Variants in KCNMA1 observed in about 807,000 individuals in gnomAD.
The protein encoded by KCNMA1 is Calcium-activated potassium channel subunit alpha-1.
KCNMA1 carries 29 observed loss-of-function variants against 140.0 expected under a neutral mutation model. That is an observed-to-expected ratio of 0.21 (90% CI 0.15 to 0.28). The LOEUF is 0.28. Ranked by LOEUF, KCNMA1 falls within the 10% of genes least tolerant of loss-of-function variation. The pLI is 1.00. For synonymous variants in KCNMA1, 612 were observed against 611.9 expected (o/e 1.00, Z 0.00); for missense variants, 880 against 1,602.2 (o/e 0.55, Z 7.70).
chr10:77,066,090 C>T (rs11002002), intron 14 of KCNMA1, among the ~76,000 whole-genome samples: 6,150 of 152,212 alleles, frequency 0.04, 207 homozygotes, highest in Non-Finnish European at 0.057. Context: ...AGATGGGACC[C>T]CATGGAGAGA....
chr10:77,329,453 C>A (rs1166790808), intron 2 of KCNMA1, among the ~76,000 whole-genome samples: 1 of 152,180 alleles, frequency 6.6e-6, no homozygotes, highest in Non-Finnish European at 1.5e-5. Context: ...GGTGAGGACA[C>A]AGTCAGAGGA....
At chr10:77,559,694 AG>A (rs2065723205) in intron 1 of KCNMA1, among the ~76,000 whole-genome samples, 1 of 152,076 alleles carries the variant, frequency 6.6e-6, no homozygotes, top group African/African-American at 2.4e-5. Flanking sequence ...TGTTTTTGAG[AG>A]GAAAAAAAAA....
In KCNMA1 at chr10:77,636,892, AC is replaced by A. The variant is rs2093803598; in HGVS notation, c.378+372del. On this transcript the variant is annotated intron_variant, in intron 1 of 27. Transcript: ENST00000286628. Reference sequence around the variant, plus strand: ...GGCAGGTGAGCGGTGCAAAACACGCACCCAGCTGCCCCCAGCTTCCTCCGTC... The same window carrying A: ...GGCAGGTGAGCGGTGCAAAACACGCACCAGCTGCCCCCAGCTTCCTCCGTC... 9.1e-6 allele frequency: 13 copies of A among 1,421,540 alleles called. No homozygotes were observed. In the East Asian group the frequency reaches 3.4e-4, roughly 37 times the overall value. 88.1% of individuals were successfully genotyped at this position (1,421,540 alleles called of 1,614,324 possible).
intron 1 of KCNMA1, among the ~76,000 whole-genome samples, chr10:77,492,854 A>T (rs2040449638): frequency 6.6e-6 from 1 of 152,252 alleles, no homozygotes; most frequent in African/African-American, 2.4e-5. Flanking sequence ...AAGATGTATT[A>T]GTGCCTACAA....
At chr10:76,979,702 C>T (rs2078829815) in intron 19 of KCNMA1, 1 of 152,196 alleles carries the variant, frequency 6.6e-6, no homozygotes, top group African/African-American at 2.4e-5. Flanking sequence ...AACATTATTA[C>T]TATTGGCTCA....
chr10:77,499,941 T>C (rs2043264438), intron 1 of KCNMA1, among the ~76,000 whole-genome samples: 1 of 152,096 alleles, frequency 6.6e-6, no homozygotes. Context: ...ATGAGTGTAA[T>C]ATTATGGAAT....
At chr10:77,394,911 G>T (rs879706001) in intron 2 of KCNMA1, among the ~76,000 whole-genome samples, 4 of 152,136 alleles carry the variant, frequency 2.6e-5, no homozygotes, top group Non-Finnish European at 5.9e-5. Context: ...TGCCTTTGTA[G>T]CTTCTTACAG....
chr10:77,398,958 T>C (rs577570902), intron 2 of KCNMA1, among the ~76,000 whole-genome samples: 1 of 152,210 alleles, frequency 6.6e-6, no homozygotes, highest in African/African-American at 2.4e-5. Flanking sequence ...ACTGCATACA[T>C]GTAAATTCCA....
chr10:77,095,730 C>T (rs2096915374), intron 9 of KCNMA1, among the ~76,000 whole-genome samples: 1 of 152,172 alleles, frequency 6.6e-6, no homozygotes, highest in Admixed American at 6.5e-5. Context: ...AAATTCTTCT[C>T]AATCCTTCTA....
intron 1 of KCNMA1, among the ~76,000 whole-genome samples, chr10:77,606,897 G>T (rs934522417): frequency 3.3e-5 from 5 of 152,112 alleles, no homozygotes; most frequent in African/African-American, 1.2e-4. Flanking sequence ...CCCAAAACCC[G>T]TGCAACCCTT....
chr10:76,955,178 G>A (rs1255777626), intron 20 of KCNMA1, among the ~76,000 whole-genome samples: 1 of 144,248 alleles, frequency 6.9e-6, no homozygotes, highest in Non-Finnish European at 1.5e-5. Context: ...AACATCAGAG[G>A]GTGACTTTTT....
chr10:77,013,294 G>A (rs190924849), intron 17 of KCNMA1, among the ~76,000 whole-genome samples: 4 of 152,222 alleles, frequency 2.6e-5, no homozygotes, highest in Non-Finnish European at 5.9e-5. Flanking sequence ...GGAGGTTGTC[G>A]TGGACTGCCC....
At chr10:77,360,130 G>A (rs1186252300) in intron 2 of KCNMA1, among the ~76,000 whole-genome samples, 1 of 152,206 alleles carries the variant, frequency 6.6e-6, no homozygotes, top group East Asian at 1.9e-4. Context: ...CACATAAGAA[G>A]AGCCCATCCC....
At chr10:77,523,262 T>C (rs979810516) in intron 1 of KCNMA1, among the ~76,000 whole-genome samples, 1 of 147,200 alleles carries the variant, frequency 6.8e-6, no homozygotes, top group African/African-American at 2.5e-5. Flanking sequence ...TAAATAGTTA[T>C]AAATTATTAA....
intron 1 of KCNMA1, among the ~76,000 whole-genome samples, chr10:77,417,419 G>A (rs1399463644): frequency 6.6e-6 from 1 of 152,228 alleles, no homozygotes; most frequent in Non-Finnish European, 1.5e-5. Context: ...AAAAGCAAGA[G>A]CTTTCCCAGG....
At chr10:77,182,831 A>G (rs1253623624) in intron 5 of KCNMA1, among the ~76,000 whole-genome samples, 3 of 152,136 alleles carry the variant, frequency 2.0e-5, no homozygotes, top group Non-Finnish European at 4.4e-5. Context: ...TTTCTCCACT[A>G]AAGTGTTCTA....
intron 5 of KCNMA1, among the ~76,000 whole-genome samples, chr10:77,137,708 A>G (rs959453225): frequency 6.6e-5 from 10 of 152,164 alleles, no homozygotes; most frequent in African/African-American, 2.4e-4. Flanking sequence ...TGTGTTCTAT[A>G]AACAGTTCTT....
At chr10:77,136,507 T>A (rs565335365) in intron 5 of KCNMA1, among the ~76,000 whole-genome samples, 2 of 151,896 alleles carry the variant, frequency 1.3e-5, no homozygotes, top group East Asian at 3.9e-4. Context: ...ATTACTGAAC[T>A]GTACACTAAA....
chr10:77,352,393 A>G (rs1347726709), intron 2 of KCNMA1, among the ~76,000 whole-genome samples: 2 of 152,096 alleles, frequency 1.3e-5, no homozygotes, highest in Admixed American at 1.3e-4. Context: ...TTTCCCCTTT[A>G]TGGTAAATGT....
Sources: gnomAD v4.1 joint callset for allele counts (sites outside exome capture counted in the v4.1 genomes callset) on GRCh38, gnomAD v4.1.1 for gene constraint, MANE v1.5 for transcripts, NCBI Gene and HGNC (gene_info 2026-07-23, HGNC 2026-07-21) for gene names.